MAGI3: variants seen among roughly 807,000 people sequenced by gnomAD.
The protein encoded by MAGI3 is membrane-associated guanylate kinase, WW and PDZ domain-containing protein 3.
In MAGI3, 43 loss-of-function variants were observed where a neutral mutation model predicts 121.8. The ratio of observed to expected loss-of-function variants is 0.35; its 90% confidence interval spans 0.28 to 0.46. The LOEUF is 0.46. MAGI3 is among the 20% of genes least tolerant of loss of function. The pLI is 1.00. For synonymous variants in MAGI3, 553 were observed against 639.3 expected, an observed-to-expected ratio of 0.86 and a Z score of 2.04; for missense variants, 1,547 against 1,797.3, an observed-to-expected ratio of 0.86 and a Z score of 2.52.
intron 1 of MAGI3, among the ~76,000 whole-genome samples, chr1:113,488,137 G>A (rs538609245): frequency 1.6e-4 from 24 of 151,748 alleles, no homozygotes; most frequent in Admixed American, 5.9e-4. Flanking sequence ...AATTATTTAC[G>A]CTTTTCATTA....
chr1:113,429,594 C>T (rs1043534124), intron 1 of MAGI3, among the ~76,000 whole-genome samples: 1 of 152,116 alleles, frequency 6.6e-6, no homozygotes, highest in Non-Finnish European at 1.5e-5. Context: ...TACATAGTTA[C>T]ACCCTATGCA....
intron 2 of MAGI3, among the ~76,000 whole-genome samples, chr1:113,573,752 A>G (rs1321349174): frequency 6.6e-6 from 1 of 151,986 alleles, no homozygotes; most frequent in African/African-American, 2.4e-5. Context: ...ATCCTTGTTA[A>G]TTTTCTGTCT....
At chr1:113,651,961 A>G (rs1020496830) in intron 14 of MAGI3, among the ~76,000 whole-genome samples, 1 of 152,174 alleles carries the variant, frequency 6.6e-6, no homozygotes, top group Non-Finnish European at 1.5e-5. Flanking sequence ...ACATTTATTG[A>G]GTGCTTACTA....
chr1:113,489,131 A>C, intron 1 of MAGI3, among the ~76,000 whole-genome samples: 1 of 152,064 alleles, frequency 6.6e-6, no homozygotes, highest in South Asian at 2.1e-4. Flanking sequence ...CACACCACCT[A>C]TCAGAGTGTA....
intron 1 of MAGI3, among the ~76,000 whole-genome samples, chr1:113,431,081 A>G (rs2101419323): frequency 6.6e-6 from 1 of 152,300 alleles, no homozygotes; most frequent in South Asian, 2.1e-4. Flanking sequence ...ACACAGACCT[A>G]GTAGGTAACC....
chr1:113,399,671 A>G (rs971500289), intron 1 of MAGI3, among the ~76,000 whole-genome samples: 1 of 152,110 alleles, frequency 6.6e-6, no homozygotes, highest in Non-Finnish European at 1.5e-5. Flanking sequence ...ATTTAAAAGT[A>G]TTTCTTGTAA....
intron 16 of MAGI3, among the ~76,000 whole-genome samples, chr1:113,669,481 GTGCCCAGGTAA>G (rs1166524554): frequency 6.6e-6 from 1 of 152,216 alleles, no homozygotes; most frequent in Non-Finnish European, 1.5e-5. Context: ...AAAGCCAGGA[GTGCCCAGGTAA>G]CAAGTATCTT....
At chr1:113,540,903 G>A (rs1557812292) in intron 1 of MAGI3, among the ~76,000 whole-genome samples, 1 of 152,134 alleles carries the variant, frequency 6.6e-6, no homozygotes, top group Non-Finnish European at 1.5e-5. Flanking sequence ...TTTTGATGCT[G>A]CATTAATGTG....
chr1:113,536,328 A>G (rs1658995546), intron 1 of MAGI3, among the ~76,000 whole-genome samples: 1 of 152,168 alleles, frequency 6.6e-6, no homozygotes, highest in African/African-American at 2.4e-5. Context: ...CACTGGAATG[A>G]GTCATCTAAT....
At chr1:113,395,257 A>G (rs1651049409) in intron 1 of MAGI3, among the ~76,000 whole-genome samples, 1 of 151,628 alleles carries the variant, frequency 6.6e-6, no homozygotes, top group Admixed American at 6.6e-5. Flanking sequence ...AAAACAAGAA[A>G]ATCTAGAGAC....
At chr1:113,447,608 C>G (rs1365461567) in intron 1 of MAGI3, among the ~76,000 whole-genome samples, 1 of 152,144 alleles carries the variant, frequency 6.6e-6, no homozygotes, top group Non-Finnish European at 1.5e-5. Context: ...AATCCCAGCA[C>G]TTTGGGAGGC....
intron 1 of MAGI3, among the ~76,000 whole-genome samples, chr1:113,512,274 A>G (rs1182745432): frequency 2.0e-5 from 3 of 152,202 alleles, no homozygotes; most frequent in African/African-American, 2.4e-5. Context: ...TTAATCTTCT[A>G]TTATAATGTT....
In MAGI3 at chr1:113,677,460, G is replaced by A. The variant is rs147995868; in HGVS notation, c.3190-3738G>A. 3.0e-3 allele frequency among the ~76,000 whole-genome samples: 459 copies of A among 152,296 alleles called. 1 individual carries two copies. The highest frequency in any genetic ancestry group is 0.01 in the African/African-American group (432 of 41,566). On this transcript the variant is annotated intron_variant, in intron 19 of 20. Transcript: ENST00000307546. ...TGTGACCCAGGTATGACCCTAGTCCGTCGTCCTCGAAGATCGGTTCATGTG... is the reference window on the plus strand; with the variant it reads ...TGTGACCCAGGTATGACCCTAGTCCATCGTCCTCGAAGATCGGTTCATGTG...
intron 9 of MAGI3, among the ~76,000 whole-genome samples, chr1:113,625,342 CT>C (rs1217745067): frequency 2.0e-5 from 3 of 152,120 alleles, no homozygotes; most frequent in African/African-American, 7.2e-5. Context: ...CATGAAATAT[CT>C]TTTCATTTTT....
rs1157247361 is a variant in MAGI3 at position 113,429,009 on chromosome 1, A to G, written c.316+37660A>G. Among the ~76,000 whole-genome samples, 3 of 152,328 alleles carry G rather than the reference A, an allele frequency of 2.0e-5. No homozygotes were observed. In the East Asian group the frequency reaches 5.8e-4, roughly 29 times the overall value. On this transcript the variant is annotated intron_variant, in intron 1 of 20. Transcript: ENST00000307546. Reference sequence around the variant, plus strand: ...ATGTGTCTTGTGGCTCTTATATTGGACAGTGCAGCTCTATTCTATTCTATT... The same window carrying G: ...ATGTGTCTTGTGGCTCTTATATTGGGCAGTGCAGCTCTATTCTATTCTATT...
chr1:113,550,487 TTTAAGA>T (rs1659732609), intron 2 of MAGI3, among the ~76,000 whole-genome samples: 1 of 151,154 alleles, frequency 6.6e-6, no homozygotes, highest in Non-Finnish European at 1.5e-5. Context: ...ATGACTAGAA[TTTAAGA>T]TTATATAATC....
Position 113,422,155 on chromosome 1 carries a change from A to G in MAGI3, c.316+30806A>G, listed in dbSNP as rs569425667. Among the ~76,000 whole-genome samples, 1 of 152,368 alleles carries G rather than the reference A, an allele frequency of 6.6e-6. No individual in the cohort carries two copies. Among genetic ancestry groups the G allele is most frequent in the South Asian group, 2.1e-4 (1 of 4,832 alleles). On this transcript the variant is annotated intron_variant, in intron 1 of 20. Coordinates refer to ENST00000307546, the MANE Select transcript of MAGI3 (RefSeq NM_001142782.2). This position sits in a 1 kb window ranked among gnomAD's most constrained non-coding sequence, Gnocchi z 4.3. ...GAGCTAACTAAATTCACATGTAGTT[A>G]TAAGAAATAATAGAGATCTTGTATA...
chr1:113,427,349 G>A (rs1172668029), intron 1 of MAGI3, among the ~76,000 whole-genome samples: 1 of 152,334 alleles, frequency 6.6e-6, no homozygotes. Context: ...GTCTCCCTTT[G>A]TGGGACAAGA....
intron 1 of MAGI3, among the ~76,000 whole-genome samples, chr1:113,398,330 T>G (rs1651226538): frequency 6.6e-6 from 1 of 152,082 alleles, no homozygotes; most frequent in Admixed American, 6.5e-5. Flanking sequence ...TTGTTTGGAG[T>G]TTAGGGTTTG....
Sources: gnomAD v4.1 joint callset for allele counts (sites outside exome capture counted in the v4.1 genomes callset) on GRCh38, gnomAD v4.1.1 for gene constraint, Gnocchi (gnomAD v3.1) non-coding constraint, MANE v1.5 for transcripts, NCBI Gene and HGNC (gene_info 2026-07-23, HGNC 2026-07-21) for gene names.